ZNF569: variants seen among roughly 807,000 people sequenced by gnomAD.
ZNF569 encodes the protein zinc finger protein 569.
ZNF569 carries 38 observed loss-of-function variants against 56.3 expected under a neutral mutation model. That is an observed-to-expected ratio of 0.68 (90% CI 0.52 to 0.88). The LOEUF (loss-of-function observed/expected upper bound fraction) is 0.88. ZNF569 is among the 40% of genes least tolerant of loss of function. The pLI, the probability that ZNF569 is intolerant of heterozygous loss-of-function variation, is 0.00. For missense variants in ZNF569, 666 were observed against 809.2 expected (o/e 0.82, Z 2.15); for synonymous variants, 241 against 262.9 (o/e 0.92, Z 0.81).
chr19:37,438,003 G>A (rs917068825), intron 3 of ZNF569, among the ~76,000 whole-genome samples: 11 of 152,140 alleles, frequency 7.2e-5, no homozygotes, highest in African/African-American at 2.7e-4. Flanking sequence ...AAAAGACCCA[G>A]AATAGGCAAA....
At position 37,413,449 on chromosome 19, in the gene ZNF569, A is replaced by C. The variant is rs2040873776; in HGVS notation, c.1209T>G (p.Ser403Arg). 1 of 1,613,616 alleles carries C rather than the reference A, an allele frequency of 6.2e-7. No homozygotes were observed. The highest frequency in any genetic ancestry group is 1.7e-5 in the Admixed American group (1 of 59,970). Reference sequence around the variant, plus strand: ...ATTCATAGGGTTTCTCACCAGTGTGACTTCTCATATGTACAGTAAGGGCTG... The same window carrying C: ...ATTCATAGGGTTTCTCACCAGTGTGCCTTCTCATATGTACAGTAAGGGCTG... ...QSSALTVHMR[S>R]HTGEKPYECK... Residue 403 changes from serine to arginine, a missense_variant, in exon 6 of 6, where the codon AGT (serine) becomes AGG (arginine). Transcript: ENST00000316950.
At chr19:37,466,535 G>A (rs1284834542) in intron 1 of ZNF569, among the ~76,000 whole-genome samples, 5 of 152,130 alleles carry the variant, frequency 3.3e-5, no homozygotes, top group African/African-American at 1.2e-4. Flanking sequence ...GCTGAGGGAG[G>A]AGAATTGCTT....
chr19:37,459,173 T>G (rs569013941), intron 2 of ZNF569, among the ~76,000 whole-genome samples: 2 of 152,052 alleles, frequency 1.3e-5, no homozygotes, highest in South Asian at 4.1e-4. Flanking sequence ...ATGTTTCAAA[T>G]TAGTGACACA....
intron 3 of ZNF569, chr19:37,427,955 G>T: frequency 4.1e-6 from 1 of 245,116 alleles, no homozygotes; most frequent in South Asian, 4.4e-5. Context: ...GACTACCTCA[G>T]CTGCAGACTT....
upstream of ZNF569, chr19:37,468,134 G>A: frequency 3.3e-6 from 2 of 610,674 alleles, no homozygotes; most frequent in Non-Finnish European, 5.7e-6. Flanking sequence ...GCCCAGGCTG[G>A]AGAGTGCAGC....
intron 3 of ZNF569, among the ~76,000 whole-genome samples, chr19:37,434,267 T>C (rs1247342969): frequency 1.5e-5 from 2 of 131,260 alleles, no homozygotes; most frequent in Non-Finnish European, 3.1e-5. Context: ...GCCACTGCAC[T>C]CCAGCCTGGT....
intron 2 of ZNF569, among the ~76,000 whole-genome samples, chr19:37,446,722 A>G (rs542970540): frequency 1.3e-5 from 2 of 152,278 alleles, no homozygotes; most frequent in African/African-American, 4.8e-5. Context: ...CTTCATGACC[A>G]AGAACCGAAA....
At chr19:37,418,594 C>T (rs958477965) in intron 5 of ZNF569, among the ~76,000 whole-genome samples, 2 of 151,938 alleles carry the variant, frequency 1.3e-5, no homozygotes, top group African/African-American at 4.8e-5. Flanking sequence ...CAAGTTCCTA[C>T]TATATAACTA....
intron 5 of ZNF569, among the ~76,000 whole-genome samples, chr19:37,423,708 C>T (rs1041526101): frequency 6.6e-6 from 1 of 152,082 alleles, no homozygotes; most frequent in African/African-American, 2.4e-5. Context: ...AAATTAAGAA[C>T]TTGACAGAAA....
In ZNF569 at chr19:37,414,144, T is replaced by C; in HGVS notation, c.514A>G (p.Lys172Glu). 1 of 1,613,740 alleles carries C rather than the reference T, an allele frequency of 6.2e-7. No homozygotes were observed. Among genetic ancestry groups the C allele is most frequent in the African/African-American group, 1.3e-5 (1 of 75,028 alleles). ...KEHCEYNEPV[K>E]SYGNSSSHFV... ...TGGGATGAGCTATTACCATATGATT[T>C]CACAGGTTCATTATATTCACAATGC... Residue 172 changes from lysine (K) to glutamate (E), a missense_variant, in exon 6 of 6, where the codon AAA becomes GAA. Physicochemically the swap from Lys to Glu is moderately conservative, Grantham distance 56. Coordinates refer to ENST00000316950, the MANE Select transcript of ZNF569 (RefSeq NM_152484.3).
intron 5 of ZNF569, among the ~76,000 whole-genome samples, chr19:37,418,508 G>A (rs2040974915): frequency 2.0e-5 from 3 of 152,132 alleles, no homozygotes; most frequent in Admixed American, 6.5e-5. Context: ...GATGGAAGAA[G>A]ATGAAAGGAC....
At chr19:37,435,193 A>C (rs1048378615) in intron 3 of ZNF569, among the ~76,000 whole-genome samples, 1 of 152,222 alleles carries the variant, frequency 6.6e-6, no homozygotes, top group South Asian at 2.1e-4. Context: ...ACAAAGTTAA[A>C]GTGTAGAGTA....
chr19:37,460,305 G>C lies in ZNF569; in HGVS notation c.-44+5008C>G, dbSNP rs556260438. On this transcript the variant is annotated intron_variant, in intron 2 of 5. Coordinates refer to ENST00000316950, the MANE Select transcript of ZNF569 (RefSeq NM_152484.3). ...TTACAGGCATGCACCACTATGCCTG[G>C]CTAATTTTTGTATTTTTAGTAGAGA... Among the ~76,000 whole-genome samples, 172 of 152,142 alleles carry C rather than the reference G, an allele frequency of 1.1e-3. 1 individual carries two copies. The highest frequency in any genetic ancestry group is 4.0e-3 in the African/African-American group (168 of 41,520).
At chr19:37,443,141 G>A (rs1362197206) in intron 3 of ZNF569, among the ~76,000 whole-genome samples, 1 of 152,180 alleles carries the variant, frequency 6.6e-6, no homozygotes, top group Non-Finnish European at 1.5e-5. Flanking sequence ...GAGGTCAGGA[G>A]TTGGAGACCA....
chr19:37,427,297 G>T (rs539547914), intron 3 of ZNF569, among the ~76,000 whole-genome samples: 1 of 151,698 alleles, frequency 6.6e-6, no homozygotes, highest in Non-Finnish European at 1.5e-5. Flanking sequence ...AGCCTGGGTG[G>T]CAGAGCAAGG....
At chr19:37,442,003 A>C (rs2041415290) in intron 3 of ZNF569, among the ~76,000 whole-genome samples, 1 of 152,206 alleles carries the variant, frequency 6.6e-6, no homozygotes, top group Non-Finnish European at 1.5e-5. Context: ...TGCTGATTGA[A>C]CTAAGTTTTG....
intron 3 of ZNF569, among the ~76,000 whole-genome samples, chr19:37,438,731 A>G (rs1658125987): frequency 6.6e-6 from 1 of 152,210 alleles, no homozygotes; most frequent in Non-Finnish European, 1.5e-5. Context: ...ACAGGTAGCC[A>G]AAGCAAAAAT....
At chr19:37,437,181 G>A (rs922817412) in intron 3 of ZNF569, among the ~76,000 whole-genome samples, 5 of 152,032 alleles carry the variant, frequency 3.3e-5, no homozygotes, top group African/African-American at 7.2e-5. Flanking sequence ...TTAAACATGC[G>A]CAAATGAATC....
At chr19:37,437,549 G>A (rs973226941) in intron 3 of ZNF569, among the ~76,000 whole-genome samples, 2 of 152,142 alleles carry the variant, frequency 1.3e-5, no homozygotes, top group African/African-American at 2.4e-5. Context: ...ATCCTTGTTT[G>A]CATGTGATAT....
Sources: gnomAD v4.1 joint callset for allele counts (sites outside exome capture counted in the v4.1 genomes callset) on GRCh38, gnomAD v4.1.1 for gene constraint, MANE v1.5 for transcripts, NCBI Gene and HGNC (gene_info 2026-07-23, HGNC 2026-07-21) for gene names.